The following WDFY3 variants were observed in gnomAD, a reference collection of about 807,000 sequenced individuals.
WDFY3 encodes the protein WD repeat and FYVE domain containing 3, also known as WD repeat and FYVE domain-containing protein 3.
WDFY3 carries 66 observed loss-of-function variants against 409.6 expected under a neutral mutation model. The ratio of observed to expected loss-of-function variants is 0.16; its 90% CI spans 0.13 to 0.20. The LOEUF (loss-of-function observed/expected upper bound fraction) is 0.20, where lower values mean the gene tolerates loss of function less well. Among genes scored for constraint, WDFY3 ranks in the 10% least tolerant of loss-of-function variants. WDFY3 has a pLI of 1.00. For synonymous variants in WDFY3, 1,521 were observed against 1,537.1 expected, an observed-to-expected ratio of 0.99 and a Z score of 0.25; for missense variants, 3,031 against 4,298.1, an observed-to-expected ratio of 0.71 and a Z score of 8.24.
At chr4:84,937,886 T>C (rs900119410) in intron 1 of WDFY3, among the ~76,000 whole-genome samples, 2 of 152,102 alleles carry the variant, frequency 1.3e-5, no homozygotes, top group African/African-American at 2.4e-5. Flanking sequence ...GACCCTTCCT[T>C]ATCTGTGTGG....
chr4:84,783,721 T>A (rs1168180879), intron 24 of WDFY3, among the ~76,000 whole-genome samples: 1 of 152,198 alleles, frequency 6.6e-6, no homozygotes, highest in Non-Finnish European at 1.5e-5. Flanking sequence ...AGATAAAACA[T>A]GCCTACATAA....
chr4:84,682,297 T>C (rs1283455500), intron 64 of WDFY3, 77 bp downstream of exon 64: 2 of 1,376,820 alleles, frequency 1.5e-6, no homozygotes, highest in East Asian at 2.4e-5. Context: ...CTTTATGTTG[T>C]TTGGTATAAG....
chr4:84,869,388 A>C (rs761504449), intron 3 of WDFY3, among the ~76,000 whole-genome samples: 1 of 152,036 alleles, frequency 6.6e-6, no homozygotes. Context: ...TGGCCTATAC[A>C]CCTTCTCAAC....
At chr4:84,862,370 G>A (rs775063245) in intron 3 of WDFY3, among the ~76,000 whole-genome samples, 2 of 152,208 alleles carry the variant, frequency 1.3e-5, no homozygotes, top group Non-Finnish European at 2.9e-5. Flanking sequence ...AAAGGGCTGG[G>A]GGGAGCATTT....
intron 13 of WDFY3, among the ~76,000 whole-genome samples, chr4:84,812,423 A>G (rs1274098877): frequency 6.6e-6 from 1 of 152,094 alleles, no homozygotes; most frequent in Non-Finnish European, 1.5e-5. Context: ...TTGGGGTCAT[A>G]TTCTGACTCC....
chr4:84,695,929 T>A (rs1197580694), intron 58 of WDFY3, 41 bp downstream of exon 58: 2 of 1,559,956 alleles, frequency 1.3e-6, no homozygotes, highest in Non-Finnish European at 1.8e-6. Flanking sequence ...TGTTACAAAA[T>A]GAAACAGAGT....
In WDFY3 at chr4:84,683,958, T is replaced by C. The variant is rs565570490; in HGVS notation, c.9711A>G (p.Ser3237=). 6.9e-6 allele frequency: 11 copies of C among 1,599,028 alleles called. No homozygotes were observed. In the South Asian group the frequency reaches 1.2e-4, roughly 18 times the overall value. The change falls in exon 63 of 68, where the codon TCA becomes TCG. Residue 3237 remains serine, a synonymous_variant. Transcript: ENST00000295888. ...DTQNVIVTGH[S]DGVVRFWRME... is the part of the protein sequence containing the mutation. ...GTTCACTTACCCGAACCACTCCATCTGAGTGTCCTGTCACTATGACGTTCT... is the reference window on the plus strand; with the variant it reads ...GTTCACTTACCCGAACCACTCCATCCGAGTGTCCTGTCACTATGACGTTCT...
chr4:84,947,783 A>G (rs1262451604), intron 1 of WDFY3, among the ~76,000 whole-genome samples: 2 of 150,990 alleles, frequency 1.3e-5, no homozygotes, highest in African/African-American at 4.9e-5. Context: ...TCAGGGGCTT[A>G]AGGAGGGAGG....
chr4:84,724,631 T>C, intron 45 of WDFY3, 37 bp from the exon 46 acceptor site: 1 of 1,596,172 alleles, frequency 6.3e-7, no homozygotes, highest in East Asian at 2.2e-5. Flanking sequence ...CCGATAACTA[T>C]CACCAAGAAT....
Position 84,821,420 on chromosome 4 carries a change from A to G in WDFY3, c.1255T>C (p.Phe419Leu). The G allele has an allele frequency of 6.2e-7, 1 of 1,613,948 alleles. No homozygotes were observed. The change falls in exon 11 of 68, where the codon TTC becomes CTC. Residue 419 changes from phenylalanine (F) to leucine (L), a missense_variant. Phe to Leu is a conservative substitution (Grantham distance 22). Around this residue, in one of 16 missense-constraint regions of WDFY3, gnomAD observed 1,322 missense variants for 1,697.9 expected, o/e 0.78. Transcript: ENST00000295888. The part of the protein sequence containing the change: ...NIYMADNANY[F>L]ILESQHTLSQ... ...AATGTGTGCTGTGACTCTAGGATGA[A>G]GTAATTGGCATTGTCAGCCATGTAA...
chr4:84,944,152 C>T (rs893199217), intron 1 of WDFY3, among the ~76,000 whole-genome samples: 11 of 152,280 alleles, frequency 7.2e-5, no homozygotes, highest in South Asian at 2.1e-4. Context: ...AATATCTTTT[C>T]GCTGACTGAA....
Position 84,801,826 on chromosome 4 carries a change from T to C in WDFY3, c.2646A>G (p.Leu882=), listed in dbSNP as rs1223499819. 2 of 1,614,006 alleles carry C rather than the reference T, an allele frequency of 1.2e-6. No homozygotes were observed. Among genetic ancestry groups the C allele is most frequent in the South Asian group, 1.1e-5 (1 of 91,078 alleles). The change falls in exon 17 of 68, where the codon TTA becomes TTG. Residue 882 remains leucine (L), a synonymous_variant. Transcript: ENST00000295888. ...TCCTTTCTGTGTGCACCAGGGATTG[T>C]AAAATATTTGCCACGGCAAGTTGAA... is the stretch of plus-strand genomic sequence containing the variant. ...LDLQLAVANI[L]QSLVHTERNQ...
chr4:84,731,189 T>C (rs1392496472), intron 44 of WDFY3, among the ~76,000 whole-genome samples: 5 of 152,202 alleles, frequency 3.3e-5, no homozygotes, highest in Non-Finnish European at 7.3e-5. Context: ...GGCCTCGGAT[T>C]GGACAACCTT....
intron 3 of WDFY3, among the ~76,000 whole-genome samples, chr4:84,861,448 C>T (rs1200170367): frequency 6.6e-6 from 1 of 151,974 alleles, no homozygotes; most frequent in Non-Finnish European, 1.5e-5. Context: ...AATAGTGTAT[C>T]TTATAGATTA....
At chr4:84,783,382 G>A (rs1460664627) in intron 24 of WDFY3, among the ~76,000 whole-genome samples, 1 of 152,162 alleles carries the variant, frequency 6.6e-6, no homozygotes, top group Non-Finnish European at 1.5e-5. Flanking sequence ...AGGAGGCAGA[G>A]GTGGGAGAAA....
At chr4:84,847,790 C>CAAAAAAAAAAAAAAAAAAA (rs78361102) in intron 5 of WDFY3, among the ~76,000 whole-genome samples, 2 of 82,854 alleles carry the variant, frequency 2.4e-5, no homozygotes, top group African/African-American at 4.4e-5. Flanking sequence ...AAAAAAAAAC[C>CAAAAAAAAAAAAAAAAAAA]AAAAAAAAAA....
At chr4:84,927,623 G>A (rs968646257) in intron 2 of WDFY3, among the ~76,000 whole-genome samples, 5 of 152,086 alleles carry the variant, frequency 3.3e-5, no homozygotes, top group Admixed American at 6.6e-5. Context: ...GGATCATGGC[G>A]GAGGTTTCCC....
chr4:84,686,362 T>G (rs1728329669), intron 62 of WDFY3, among the ~76,000 whole-genome samples: 1 of 151,980 alleles, frequency 6.6e-6, no homozygotes, highest in Non-Finnish European at 1.5e-5. Flanking sequence ...AAAAACAAAT[T>G]TGACTCTTCT....
intron 7 of WDFY3, among the ~76,000 whole-genome samples, chr4:84,834,918 C>A (rs1756356627): frequency 6.6e-6 from 1 of 152,114 alleles, no homozygotes; most frequent in Non-Finnish European, 1.5e-5. Context: ...AAAACATTAG[C>A]CTGCGATGAG....
Sources: gnomAD v4.1 joint callset for allele counts (sites outside exome capture counted in the v4.1 genomes callset) on GRCh38, gnomAD v4.1.1 for gene constraint, gnomAD v4.1.1 regional missense constraint, MANE v1.5 for transcripts, NCBI Gene and HGNC (gene_info 2026-07-23, HGNC 2026-07-21) for gene names.